Variants in UNC13A observed in about 807,000 individuals in gnomAD.
The protein encoded by UNC13A is protein unc-13 homolog A.
UNC13A carries 61 observed loss-of-function variants against 219.7 expected under a neutral mutation model. The observed-to-expected ratio is 0.28, with a 90% CI of 0.23 to 0.34. The LOEUF is 0.34. Ranked by LOEUF, UNC13A falls within the 10% of genes least tolerant of loss-of-function variation. The pLI, the probability that UNC13A is intolerant of heterozygous loss-of-function variation, is 1.00. For missense variants in UNC13A, 1,476 were observed against 2,270.3 expected (o/e 0.65, Z 7.11); for synonymous variants, 920 against 884.6 (o/e 1.04, Z -0.71).
chr19:17,659,598 T>G (rs1478714292), intron 8 of UNC13A, among the ~76,000 whole-genome samples: 2 of 152,028 alleles, frequency 1.3e-5, no homozygotes, highest in African/African-American at 4.8e-5. Context: ...TAAGGCCCCA[T>G]CTCTTTAAAA....
chr19:17,601,757 G>A lies in UNC13A; in HGVS notation c.*4297C>T, dbSNP rs910081745. The A allele has an allele frequency of 6.6e-6, 1 of 152,518 alleles. No homozygotes were observed. The highest frequency in any genetic ancestry group is 1.5e-5 in the Non-Finnish European group (1 of 68,040). 9.4% of individuals were successfully genotyped at this position (152,518 alleles called of 1,614,324 possible). On this transcript the variant is annotated 3_prime_UTR_variant, in exon 44 of 44. Transcript: ENST00000519716. Reference sequence around the variant, plus strand: ...TGTCTCCAGAGAGCCACTATGGCTGGACGGGGGTAAGGGGTGGGGTGTTAC... The same window carrying A: ...TGTCTCCAGAGAGCCACTATGGCTGAACGGGGGTAAGGGGTGGGGTGTTAC...
Position 17,626,669 on chromosome 19 carries a change from T to C in UNC13A, c.4037A>G (p.Asn1346Ser). 6.4e-7 allele frequency: 1 copy of C among 1,571,662 alleles called. No individual in the cohort carries two copies. The highest frequency in any genetic ancestry group is 8.6e-7 in the Non-Finnish European group (1 of 1,158,224). Residue 1346 changes from asparagine to serine, a missense_variant, in exon 34 of 44, where the codon AAT (asparagine) becomes AGT (serine). Around this residue, in one of 14 missense-constraint regions of UNC13A, gnomAD observed 218 missense variants for 409.4 expected, o/e 0.53. Transcript: ENST00000519716. The stretch of plus-strand genomic sequence containing the variant: ...CAGGTCCATGATGGGCTGCAACACA[T>C]TGTCCGCGTCCTGGGCCACGCTGCT... ...ACSSVAQDAD[N>S]VLQPIMDLLD...
intron 24 of UNC13A, 80 bp downstream of exon 24, chr19:17,639,356 G>A (rs2076943456): frequency 1.3e-6 from 2 of 1,569,858 alleles, no homozygotes; most frequent in Non-Finnish European, 1.7e-6. Flanking sequence ...CACTCTCCAG[G>A]AGGAATGTCA....
intron 43 of UNC13A, among the ~76,000 whole-genome samples, chr19:17,608,775 C>G (rs2076568936): frequency 6.6e-6 from 1 of 151,876 alleles, no homozygotes. Context: ...CTTGGCCTCC[C>G]AAAGTGCTGG....
At chr19:17,667,583 C>T (rs1425299634) in intron 6 of UNC13A, among the ~76,000 whole-genome samples, 1 of 151,978 alleles carries the variant, frequency 6.6e-6, no homozygotes, top group Non-Finnish European at 1.5e-5. Context: ...AAGTGATTCT[C>T]CCACCTCAGC....
At chr19:17,667,667 G>T (rs1174875734) in intron 6 of UNC13A, among the ~76,000 whole-genome samples, 1 of 151,722 alleles carries the variant, frequency 6.6e-6, no homozygotes, top group Non-Finnish European at 1.5e-5. Context: ...TAGAGACGGG[G>T]TTTCACCGTG....
Position 17,674,880 on chromosome 19 carries a change from A to AAC in UNC13A, c.53-126_53-125dup. The stretch of plus-strand genomic sequence containing the variant: ...CTGGGCCACTCACCCCCTAACCCAC[A>AAC]ACCCCACCCTCAGGGCACAAGGGAG... On this transcript the variant is annotated intron_variant, in intron 2 of 43. Transcript: ENST00000519716. This position sits in a 1 kb window ranked among gnomAD's most constrained non-coding sequence, Gnocchi z 5.0. 1.3e-6 allele frequency: 1 copy of AAC among 746,552 alleles called. No individual in the cohort carries two copies. Among genetic ancestry groups the AAC allele is most frequent in the East Asian group, 2.7e-5 (1 of 36,784 alleles). 46.2% of individuals were successfully genotyped at this position (746,552 alleles called of 1,614,324 possible).
chr19:17,617,301 A>G (rs1185087255), intron 41 of UNC13A, among the ~76,000 whole-genome samples: 1 of 152,082 alleles, frequency 6.6e-6, no homozygotes, highest in Non-Finnish European at 1.5e-5. Flanking sequence ...GTCCCTCAGG[A>G]GCTGACAATC....
At chr19:17,685,976 G>A (rs1317180053) in intron 1 of UNC13A, among the ~76,000 whole-genome samples, 2 of 151,278 alleles carry the variant, frequency 1.3e-5, no homozygotes, top group Non-Finnish European at 3.0e-5. Context: ...CCTCTCCCTG[G>A]GAGACTGGCC....
Position 17,603,966 on chromosome 19 carries a change from T to G in UNC13A, c.*2088A>C, listed in dbSNP as rs2076494568. ...AGCTGGGACTACAGGCATGCACCAC[T>G]GCACCCAGCTAATTTTTGTATTTTT... On this transcript the variant is annotated 3_prime_UTR_variant, in exon 44 of 44. Coordinates refer to ENST00000519716, the MANE Select transcript of UNC13A (RefSeq NM_001080421.3). The G allele has an allele frequency of 6.6e-6, 1 of 152,124 alleles. No individual in the cohort carries two copies. Among genetic ancestry groups the G allele is most frequent in the Non-Finnish European group, 1.5e-5 (1 of 68,064 alleles). 9.4% of individuals were successfully genotyped at this position (152,124 alleles called of 1,614,324 possible).
chr19:17,647,407 C>G lies in UNC13A; in HGVS notation c.1902G>C (p.Arg634=). 6.2e-7 allele frequency: 1 copy of G among 1,613,764 alleles called. No individual in the cohort carries two copies. Among genetic ancestry groups the G allele is most frequent in the Non-Finnish European group, 8.5e-7 (1 of 1,179,840 alleles). ...CGAAGATCTCGGGCTTGTTGCGCTC[C>G]CGGATCTTCATGCGGTCCTTGAGCA... ...IMVLKDRMKI[R]ERNKPEIFEL... is the part of the protein sequence containing the mutation. The change falls in exon 17 of 44, where the codon CGG becomes CGC. Residue 634 remains arginine, a synonymous_variant. Transcript: ENST00000519716.
rs1425691119 is a variant in UNC13A at position 17,639,917 on chromosome 19, G to A, written c.2788-9C>T. 2 of 1,613,620 alleles carry A rather than the reference G, an allele frequency of 1.2e-6. No homozygotes were observed. Among genetic ancestry groups the A allele is most frequent in the Admixed American group, 3.3e-5 (2 of 60,002 alleles). On this transcript the variant is annotated splice_polypyrimidine_tract_variant and intron_variant, in intron 22 of 43. Transcript: ENST00000519716. ...TTCACGAAGCGCTCTTTCTGAGGAG[G>A]AAGGGGAGGAGGGAGGATGGATGGA...
Position 17,688,248 on chromosome 19 carries a change from G to A in UNC13A, c.-49C>T. 7.0e-7 allele frequency: 1 copy of A among 1,435,604 alleles called. No homozygotes were observed. Among genetic ancestry groups the A allele is most frequent in the South Asian group, 1.5e-5 (1 of 68,658 alleles). 88.9% of individuals were successfully genotyped at this position (1,435,604 alleles called of 1,614,324 possible). ...GGAGGCGGCCGGGCCGGCTCTGTCG[G>A]GTCGGGCTCAGCGGCCGCTGGGCTG... On this transcript the variant is annotated 5_prime_UTR_variant, in exon 1 of 44. Coordinates refer to ENST00000519716, the MANE Select transcript of UNC13A (RefSeq NM_001080421.3).
chr19:17,685,655 T>C (rs1301360142), intron 1 of UNC13A, among the ~76,000 whole-genome samples: 1 of 152,214 alleles, frequency 6.6e-6, no homozygotes, highest in East Asian at 1.9e-4. Flanking sequence ...CGTGTATGCT[T>C]GTGTTCACAC....
chr19:17,657,108 G>A (rs1243717098), intron 9 of UNC13A, among the ~76,000 whole-genome samples: 12 of 152,058 alleles, frequency 7.9e-5, no homozygotes, highest in Non-Finnish European at 1.0e-4. Flanking sequence ...AAGCCACAGG[G>A]AATTGTAAAT....
chr19:17,636,139 G>C lies in UNC13A; in HGVS notation c.3100C>G (p.Leu1034Val), dbSNP rs571398289. 1.8e-4 allele frequency: 295 copies of C among 1,599,316 alleles called. 1 individual carries two copies. The East Asian group carries it at 5.9e-3, about 32-fold the overall frequency. ...ATGCTGGGCCCCTGTTCCTCTGGGAGAACTTCCCCCTTCTTGGCCTGAAAT... is the reference window on the plus strand; with the variant it reads ...ATGCTGGGCCCCTGTTCCTCTGGGACAACTTCCCCCTTCTTGGCCTGAAAT... ...QTDPAKKGEV[L>V]PEEQGPSIKN... Residue 1034 changes from leucine to valine, a missense_variant, in exon 26 of 44, where the codon CTC becomes GTC. Physicochemically the swap from Leu to Val is conservative, Grantham distance 32. Around this residue, in one of 14 missense-constraint regions of UNC13A, gnomAD observed 24 missense variants for 16.0 expected, o/e 1.50. Coordinates refer to ENST00000519716, the MANE Select transcript of UNC13A (RefSeq NM_001080421.3).
At chr19:17,616,104 G>A (rs1014529649) in intron 41 of UNC13A, among the ~76,000 whole-genome samples, 9 of 152,348 alleles carry the variant, frequency 5.9e-5, no homozygotes, top group African/African-American at 2.2e-4. Context: ...GGCTGGGCTG[G>A]AATCAGAGCC....
At chr19:17,640,012 T>C (rs140746187) in intron 22 of UNC13A, 104 bp from the exon 23 acceptor site, 209 of 1,125,328 alleles carry the variant, frequency 1.9e-4, no homozygotes, top group Non-Finnish European at 2.5e-4. Flanking sequence ...ACCACCCTCA[T>C]AATGTCCATT....
chr19:17,656,329 G>C lies in UNC13A; in HGVS notation c.837C>G (p.Asp279Glu). 6.4e-7 allele frequency: 1 copy of C among 1,558,744 alleles called. No homozygotes were observed. The highest frequency in any genetic ancestry group is 1.4e-5 in the African/African-American group (1 of 73,624). Residue 279 changes from aspartate to glutamate, a missense_variant, in exon 10 of 44, where the codon GAC (aspartate) becomes GAG (glutamate). By Grantham distance (45) the Asp-to-Glu change is conservative. Transcript: ENST00000519716. ...GCAGGCTGTGCTCGTCAGGGTCGAA[G>C]TCCTCGCTCAGCTGAGAGCTTCCCT... Reference protein sequence around the residue: ...LSQGSSQLSEDFDPDEHSLQG... With the variant: ...LSQGSSQLSEEFDPDEHSLQG...
Sources: gnomAD v4.1 joint callset for allele counts (sites outside exome capture counted in the v4.1 genomes callset) on GRCh38, gnomAD v4.1.1 for gene constraint, gnomAD v4.1.1 regional missense constraint, Gnocchi (gnomAD v3.1) non-coding constraint, MANE v1.5 for transcripts, NCBI Gene and HGNC (gene_info 2026-07-23, HGNC 2026-07-21) for gene names.